Variants in FUT8 observed in about 807,000 individuals in gnomAD.
FUT8 encodes the protein fucosyltransferase 8.
Under a neutral mutation model 71.3 loss-of-function variants are expected in FUT8, and 29 were observed. That is an observed-to-expected ratio of 0.41 (90% CI 0.30 to 0.55). The LOEUF is 0.55. Ranked by LOEUF, FUT8 falls within the 20% of genes least tolerant of loss-of-function variation. The pLI is 0.34. For synonymous variants in FUT8, 254 were observed against 239.3 expected (o/e 1.06, Z -0.57); for missense variants, 544 against 702.1 (o/e 0.77, Z 2.55).
chr14:65,661,520 A>T (rs2268958), intron 6 of FUT8, among the ~76,000 whole-genome samples: 14,585 of 152,188 alleles, frequency 0.096, 967 homozygotes, highest in East Asian at 0.38. Flanking sequence ...TTTTTCTGCA[A>T]TGTTTTTGGT....
intron 6 of FUT8, among the ~76,000 whole-genome samples, chr14:65,634,053 C>G (rs564130141): frequency 7.2e-5 from 11 of 152,222 alleles, no homozygotes; most frequent in Non-Finnish European, 1.6e-4. Context: ...ACCACCCGGT[C>G]TGGGAGGTGT....
intron 2 of FUT8, among the ~76,000 whole-genome samples, chr14:65,544,574 T>C (rs1052278112): frequency 2.6e-5 from 4 of 152,152 alleles, no homozygotes; most frequent in African/African-American, 9.6e-5. Flanking sequence ...CAAGTCCAGA[T>C]TTCTAGACCC....
intron 2 of FUT8, among the ~76,000 whole-genome samples, chr14:65,510,399 T>A (rs567765399): frequency 6.6e-6 from 1 of 152,142 alleles, no homozygotes; most frequent in Non-Finnish European, 1.5e-5. Context: ...CTTCTTTTGA[T>A]GTGTCTTTTT....
At position 65,611,184 on chromosome 14, in the gene FUT8, T is replaced by TAC. The variant is rs1207147862; in HGVS notation, c.204-4781_204-4780dup. On this transcript the variant is annotated intron_variant, in intron 3 of 10. Coordinates refer to ENST00000673929, the MANE Select transcript of FUT8 (RefSeq NM_001371533.1). Reference sequence around the variant, plus strand: ...TTAAGTTGTTACATTTTAAGTGTCATACACACACACACACGCGCGCGCGCG... The same window carrying TAC: ...TTAAGTTGTTACATTTTAAGTGTCATACACACACACACACACGCGCGCGCGCG... Among the ~76,000 whole-genome samples, 7 of 103,586 alleles carry TAC rather than the reference T, an allele frequency of 6.8e-5. 1 individual carries two copies. Among genetic ancestry groups the TAC allele is most frequent in the African/African-American group, 2.7e-4 (7 of 26,024 alleles). 68.0% of individuals were successfully genotyped at this position (103,586 alleles called of 152,430 possible).
chr14:65,733,115 A>G (rs1671181794), intron 9 of FUT8, 116 bp from the exon 10 acceptor site: 2 of 615,430 alleles, frequency 3.2e-6, no homozygotes, highest in African/African-American at 3.8e-5. Context: ...ACAGTATTAA[A>G]TGCCATAATT....
intron 3 of FUT8, among the ~76,000 whole-genome samples, chr14:65,567,511 A>G (rs1163617377): frequency 6.6e-6 from 1 of 151,878 alleles, no homozygotes; most frequent in African/African-American, 2.4e-5. Flanking sequence ...TTTGCTCTAG[A>G]CCGTCTTCTC....
chr14:65,737,741 A>C (rs1896286515), intron 10 of FUT8, among the ~76,000 whole-genome samples: 1 of 152,108 alleles, frequency 6.6e-6, no homozygotes, highest in Non-Finnish European at 1.5e-5. Context: ...CTGTAGTTTC[A>C]GCCATTAAAA....
chr14:65,385,452 G>T, the FUT8 span, among the ~76,000 whole-genome samples: 20,417 of 152,060 alleles, frequency 0.13, 2,019 homozygotes, highest in East Asian at 0.54. Flanking sequence ...TATAGAAAAG[G>T]CTGTGAGATG....
chr14:65,695,429 T>A (rs1893942809), intron 7 of FUT8, among the ~76,000 whole-genome samples: 1 of 152,168 alleles, frequency 6.6e-6, no homozygotes, highest in African/African-American at 2.4e-5. Flanking sequence ...TTGCTGATAA[T>A]TTTTTTGTTT....
At chr14:65,442,059 G>A (rs1432553872) in intron 1 of FUT8, among the ~76,000 whole-genome samples, 3 of 151,934 alleles carry the variant, frequency 2.0e-5, no homozygotes, top group Non-Finnish European at 4.4e-5. Flanking sequence ...GATTTTATCT[G>A]GGTTTTCAAA....
At chr14:65,360,097 C>G in the FUT8 span, among the ~76,000 whole-genome samples, 2 of 152,200 alleles carry the variant, frequency 1.3e-5, no homozygotes, top group Admixed American at 1.3e-4. Flanking sequence ...TCCCAAAGTG[C>G]TGGGATTACA....
At chr14:65,503,728 T>C (rs1338220872) in intron 2 of FUT8, among the ~76,000 whole-genome samples, 1 of 152,232 alleles carries the variant, frequency 6.6e-6, no homozygotes, top group Non-Finnish European at 1.5e-5. Context: ...CTGTTGATAC[T>C]ATGTGAATGT....
At chr14:65,700,381 GTTTTTTTTTTTTT>G (rs763718984) in intron 7 of FUT8, among the ~76,000 whole-genome samples, 5 of 48,880 alleles carry the variant, frequency 1.0e-4, no homozygotes, top group South Asian at 1.1e-3. Flanking sequence ...CTTTCTTTCT[GTTTTTTTTTTTTT>G]TTTTTTTTTT....
At chr14:65,451,378 G>A (rs2065823056) in intron 1 of FUT8, among the ~76,000 whole-genome samples, 1 of 152,252 alleles carries the variant, frequency 6.6e-6, no homozygotes, top group Non-Finnish European at 1.5e-5. Context: ...TGAACTCTCT[G>A]CAGGCCCCAC....
chr14:65,465,828 A>T (rs2066035380), intron 2 of FUT8, among the ~76,000 whole-genome samples: 1 of 151,934 alleles, frequency 6.6e-6, no homozygotes, highest in Non-Finnish European at 1.5e-5. Flanking sequence ...TACCTTCCTG[A>T]TTTTCTGCTT....
intron 7 of FUT8, among the ~76,000 whole-genome samples, chr14:65,672,835 G>A (rs746327629): frequency 6.6e-6 from 1 of 152,154 alleles, no homozygotes; most frequent in Admixed American, 6.6e-5. Context: ...CTTTCAAAAT[G>A]CTTTTCTAGC....
At chr14:65,453,817 T>G (rs2065860983) in intron 1 of FUT8, among the ~76,000 whole-genome samples, 1 of 152,180 alleles carries the variant, frequency 6.6e-6, no homozygotes, top group Non-Finnish European at 1.5e-5. Context: ...ATCTGTAGCT[T>G]TTTTCTGCTT....
At position 65,472,159 on chromosome 14, in the gene FUT8, G is replaced by A. The variant is rs1019269674; in HGVS notation, c.-228+16441G>A. The stretch of plus-strand genomic sequence containing the variant: ...GTACAAGAAGTATGGCACCAGGATC[G>A]GCTTGTAGTGAGGGCCTTAGGCTAC... On this transcript the variant is annotated intron_variant, in intron 2 of 10. Transcript: ENST00000673929. This position sits in a 1 kb window ranked among gnomAD's most constrained non-coding sequence, Gnocchi z 4.4. Among the ~76,000 whole-genome samples the A allele has an allele frequency of 6.6e-6, 1 of 152,218 alleles. No homozygotes were observed. The highest frequency in any genetic ancestry group is 1.9e-4 in the East Asian group (1 of 5,168).
At chr14:65,410,219 T>C (rs951451040), upstream of FUT8, among the ~76,000 whole-genome samples, 2 of 152,212 alleles carry the variant, frequency 1.3e-5, no homozygotes, top group East Asian at 3.8e-4. Context: ...GGGACTGTTA[T>C]CCACACTGAG....
Sources: allele counts gnomAD v4.1 joint callset (sites outside exome capture counted in the v4.1 genomes callset), GRCh38; gene constraint gnomAD v4.1.1; non-coding constraint Gnocchi (gnomAD v3.1); transcripts MANE v1.5; gene names NCBI Gene and HGNC (gene_info 2026-07-23, HGNC 2026-07-21).